The following SEC14L1 variants were observed in gnomAD, a reference collection of about 807,000 sequenced individuals.
The protein encoded by SEC14L1 is SEC14 like lipid binding 1, also known as SEC14-like protein 1.
SEC14L1 carries 48 observed loss-of-function variants against 85.3 expected under a neutral mutation model. That is an observed-to-expected ratio of 0.56 (90% CI 0.45 to 0.72). SEC14L1 has a LOEUF of 0.72. Ranked by LOEUF, SEC14L1 falls within the 30% of genes least tolerant of loss-of-function variation. The pLI, the probability that SEC14L1 is intolerant of heterozygous loss-of-function variation, is 0.00. For synonymous variants in SEC14L1, 391 were observed against 355.5 expected (o/e 1.10, Z -1.12); for missense variants, 682 against 921.4 (o/e 0.74, Z 3.36).
intron 9 of SEC14L1, among the ~76,000 whole-genome samples, chr17:77,200,967 ACCTATTAAAAAGACAGCAGTGCCT>A: frequency 6.6e-6 from 1 of 152,286 alleles, no homozygotes; most frequent in East Asian, 1.9e-4. Context: ...GTTTGTTTTG[ACCTATTAAAAAGACAGCAGTGCCT>A]CTGGCAGAGT....
chr17:77,193,558 A>G lies in SEC14L1; in HGVS notation c.474+9A>G. ...CCAGCAACATTAAAAAAGTGAGTGT[A>G]TCTTGGGATTTTGTGGCAGAGGGTG... On this transcript the variant is annotated intron_variant, in intron 6 of 16. Coordinates refer to ENST00000436233, the MANE Select transcript of SEC14L1 (RefSeq NM_001143998.2). 1 of 1,599,990 alleles carries G rather than the reference A, an allele frequency of 6.3e-7. No homozygotes were observed. The highest frequency in any genetic ancestry group is 1.1e-5 in the South Asian group (1 of 89,992).
intron 3 of SEC14L1, among the ~76,000 whole-genome samples, chr17:77,119,274 C>T (rs1430516620): frequency 1.3e-5 from 2 of 149,660 alleles, no homozygotes; most frequent in African/African-American, 4.9e-5. Flanking sequence ...CGCCACTGCA[C>T]TCCAGCCTGG....
rs1976886978 is a variant in SEC14L1 at position 77,213,617 on chromosome 17, G to GA, written c.2042+126dup. The GA allele has an allele frequency of 1.7e-6, 2 of 1,195,058 alleles. No homozygotes were observed. The highest frequency in any genetic ancestry group is 3.9e-5 in the Admixed American group (2 of 50,984). 74.0% of individuals were successfully genotyped at this position (1,195,058 alleles called of 1,614,324 possible). On this transcript the variant is annotated intron_variant, in intron 16 of 16. Coordinates refer to ENST00000436233, the MANE Select transcript of SEC14L1 (RefSeq NM_001143998.2). This position sits in a 1 kb window ranked among gnomAD's most constrained non-coding sequence, Gnocchi z 7.1. ...GTGTCAGGAATGCTTGGAGGGCCAG[G>GA]AGGGAGTGGCTTTGGGGTCATTTGT... is the stretch of plus-strand genomic sequence containing the variant.
At chr17:77,166,726 C>T (rs1974300039) in intron 3 of SEC14L1, among the ~76,000 whole-genome samples, 1 of 152,114 alleles carries the variant, frequency 6.6e-6, no homozygotes, top group African/African-American at 2.4e-5. Flanking sequence ...GTAGTCCCAG[C>T]TACTTCAGAG....
chr17:77,194,206 G>A lies in SEC14L1; in HGVS notation c.475-471G>A, dbSNP rs537882986. 9.2e-5 allele frequency among the ~76,000 whole-genome samples: 14 copies of A among 152,210 alleles called. No individual in the cohort carries two copies. The East Asian group carries it at 2.5e-3, about 27-fold the overall frequency. ...ATAAACAAAAACACAGAAGCATTTG[G>A]CCTTTTCTTTTTTTCTATTAATTTT... is the stretch of plus-strand genomic sequence containing the variant. On this transcript the variant is annotated intron_variant, in intron 6 of 16. Transcript: ENST00000436233.
chr17:77,212,932 G>A (rs1182614013), intron 15 of SEC14L1, among the ~76,000 whole-genome samples: 1 of 152,240 alleles, frequency 6.6e-6, no homozygotes, highest in Non-Finnish European at 1.5e-5. Flanking sequence ...CCCCGAACAT[G>A]CTGGATGATT....
At position 77,206,908 on chromosome 17, in the gene SEC14L1, TG is replaced by T; in HGVS notation, c.1476+49del. The T allele has an allele frequency of 6.8e-7, 1 of 1,461,850 alleles. No homozygotes were observed. Among genetic ancestry groups the T allele is most frequent in the African/African-American group, 1.4e-5 (1 of 70,132 alleles). 90.6% of individuals were successfully genotyped at this position (1,461,850 alleles called of 1,614,324 possible). A position where few individuals can be genotyped will look rare whatever the true frequency, so the allele number is the denominator to read the frequency against. ...CTGCACATTTGGCCCCTTATGCAGGTGGGAGAGGTCGGTGTCGATTTGCACA... is the reference window on the plus strand; with the variant it reads ...CTGCACATTTGGCCCCTTATGCAGGTGGAGAGGTCGGTGTCGATTTGCACA... On this transcript the variant is annotated intron_variant, in intron 13 of 16. Transcript: ENST00000436233. This position sits in a 1 kb window ranked among gnomAD's most constrained non-coding sequence, Gnocchi z 4.3.
Position 77,212,124 on chromosome 17 carries a change from G to A in SEC14L1, c.1786G>A (p.Asp596Asn). 1 of 1,614,172 alleles carries A rather than the reference G, an allele frequency of 6.2e-7. No individual in the cohort carries two copies. The highest frequency in any genetic ancestry group is 8.5e-7 in the Non-Finnish European group (1 of 1,180,040). ...SPGGNNVQLIDKVWQLGRDYS... is the reference protein window; with the variant it reads ...SPGGNNVQLINKVWQLGRDYS... ...GGGTGGGAACAATGTGCAGCTCATA[G>A]ACAAAGTCTGGCAGCTGGGCCGCGA... Residue 596 changes from aspartate (D) to asparagine (N), a missense_variant, in exon 15 of 17, where the codon GAC becomes AAC. Transcript: ENST00000436233.
chr17:77,146,693 G>A (rs1194806256), intron 3 of SEC14L1, among the ~76,000 whole-genome samples: 2 of 147,528 alleles, frequency 1.4e-5, no homozygotes, highest in East Asian at 4.0e-4. Context: ...CTTTTGAATT[G>A]TTAGAAAAAC....
Position 77,216,494 on chromosome 17 carries a change from T to C in SEC14L1, c.*2471T>C. 6.2e-7 allele frequency: 1 copy of C among 1,612,756 alleles called. No homozygotes were observed. Among genetic ancestry groups the C allele is most frequent in the Non-Finnish European group, 8.5e-7 (1 of 1,179,114 alleles). On this transcript the variant is annotated 3_prime_UTR_variant, in exon 17 of 17. Coordinates refer to ENST00000436233, the MANE Select transcript of SEC14L1 (RefSeq NM_001143998.2). Reference sequence around the variant, plus strand: ...CCACCTGGTGCTTCCTGTTCCCAAATCACAAGGGCCTGAAGGTGGTCCCTG... The same window carrying C: ...CCACCTGGTGCTTCCTGTTCCCAAACCACAAGGGCCTGAAGGTGGTCCCTG...
In SEC14L1 at chr17:77,155,422, G is replaced by A. The variant is rs151240291; in HGVS notation, c.63+11763G>A. On this transcript the variant is annotated intron_variant, in intron 3 of 16. Transcript: ENST00000436233. ...GCTGCTGCTTTAGATGTGTGGCCCCGCAGGTACCTTACCCTCAGAGCAGAA... is the reference window on the plus strand; with the variant it reads ...GCTGCTGCTTTAGATGTGTGGCCCCACAGGTACCTTACCCTCAGAGCAGAA... Among the ~76,000 whole-genome samples, 157 of 152,218 alleles carry A rather than the reference G, an allele frequency of 1.0e-3. No homozygotes were observed. The East Asian group carries it at 0.013, about 12-fold the overall frequency.
intron 3 of SEC14L1, among the ~76,000 whole-genome samples, chr17:77,172,865 A>G (rs936145305): frequency 2.0e-5 from 3 of 152,310 alleles, no homozygotes; most frequent in East Asian, 1.9e-4. Context: ...AAGGTCTTGC[A>G]TATTCCTCCA....
chr17:77,090,291 CAAA>C (rs541086562), intron 2 of SEC14L1, among the ~76,000 whole-genome samples: 3 of 112,210 alleles, frequency 2.7e-5, no homozygotes, highest in Non-Finnish European at 3.8e-5. Context: ...GACTCCATCT[CAAA>C]AAAAAAAAAA....
chr17:77,104,091 C>G (rs967519196), intron 3 of SEC14L1, among the ~76,000 whole-genome samples: 1 of 151,626 alleles, frequency 6.6e-6, no homozygotes, highest in Non-Finnish European at 1.5e-5. Flanking sequence ...AAGCAGAGAC[C>G]GTATCCAAAG....
upstream of SEC14L1, among the ~76,000 whole-genome samples, chr17:77,136,709 G>A (rs1294728191): frequency 2.6e-5 from 4 of 152,118 alleles, no homozygotes; most frequent in African/African-American, 9.7e-5. Flanking sequence ...CGGGGAGCAG[G>A]TTTGCTCTTC....
chr17:77,183,828 C>CT (rs1975148710), intron 3 of SEC14L1, among the ~76,000 whole-genome samples: 1 of 143,604 alleles, frequency 7.0e-6, no homozygotes, highest in East Asian at 1.9e-4. Flanking sequence ...TTTCAAGACT[C>CT]TGACATTTTT....
At chr17:77,162,771 G>A (rs1473491974) in intron 3 of SEC14L1, among the ~76,000 whole-genome samples, 5 of 151,300 alleles carry the variant, frequency 3.3e-5, no homozygotes, top group Non-Finnish European at 5.9e-5. Context: ...TGGAGGTGTC[G>A]GTGAGCCGAG....
chr17:77,103,867 A>T (rs1713541), intron 3 of SEC14L1, among the ~76,000 whole-genome samples: 40,964 of 150,010 alleles, frequency 0.27, 5,780 homozygotes, highest in South Asian at 0.47. Context: ...AAGACCGTGG[A>T]TCCAGGCGGC....
At chr17:77,124,534 T>C (rs2143415942) in intron 3 of SEC14L1, among the ~76,000 whole-genome samples, 1 of 152,306 alleles carries the variant, frequency 6.6e-6, no homozygotes, top group African/African-American at 2.4e-5. Context: ...GCTAATAACA[T>C]CCCTTTTTTC....
Sources: gnomAD v4.1 joint callset for allele counts (sites outside exome capture counted in the v4.1 genomes callset) on GRCh38, gnomAD v4.1.1 for gene constraint, Gnocchi (gnomAD v3.1) non-coding constraint, MANE v1.5 for transcripts, NCBI Gene and HGNC (gene_info 2026-07-23, HGNC 2026-07-21) for gene names.